TSHZ2: variants seen among roughly 807,000 people sequenced by gnomAD.
TSHZ2 encodes the protein teashirt homolog 2.
In TSHZ2, 21 loss-of-function variants were observed where a neutral mutation model predicts 74.4. The observed-to-expected ratio is 0.28, with a 90% CI of 0.20 to 0.41. TSHZ2 has a LOEUF of 0.41. TSHZ2 is among the 10% of genes least tolerant of loss of function. The pLI is 1.00. For synonymous variants in TSHZ2, 540 were observed against 515.3 expected (o/e 1.05, Z -0.65); for missense variants, 1,244 against 1,293.5 (o/e 0.96, Z 0.59).
chr20:52,999,773 A>G (rs1465025593), intron 1 of TSHZ2, among the ~76,000 whole-genome samples: 1 of 152,186 alleles, frequency 6.6e-6, no homozygotes, highest in African/African-American at 2.4e-5. Context: ...GAAAACCAGC[A>G]TGTGTGTTTT....
At chr20:53,082,376 G>A (rs957976751) in intron 1 of TSHZ2, among the ~76,000 whole-genome samples, 19 of 152,196 alleles carry the variant, frequency 1.2e-4, no homozygotes, top group African/African-American at 4.6e-4. Flanking sequence ...TCGTGATTAA[G>A]TAGAGTTGGA....
intron 1 of TSHZ2, among the ~76,000 whole-genome samples, chr20:53,227,878 CT>C (rs1989720343): frequency 6.6e-6 from 1 of 151,950 alleles, no homozygotes; most frequent in African/African-American, 2.4e-5. Context: ...TTCTTTCGTT[CT>C]TCCTTTTTTC....
chr20:53,364,124 A>G lies in TSHZ2; in HGVS notation c.*8+107553A>G, dbSNP rs190863748. Among the ~76,000 whole-genome samples the G allele has an allele frequency of 2.6e-4, 40 of 152,128 alleles. 1 individual carries two copies. The East Asian group carries it at 7.8e-3, about 30-fold the overall frequency. Reference sequence around the variant, plus strand: ...AAAGATAGATCAGGGATAAATGGCAACAGACACTCAGCATTAAGGTCGAGG... The same window carrying G: ...AAAGATAGATCAGGGATAAATGGCAGCAGACACTCAGCATTAAGGTCGAGG... On this transcript the variant is annotated intron_variant, in intron 2 of 2. Coordinates refer to ENST00000371497, the MANE Select transcript of TSHZ2 (RefSeq NM_173485.6).
At chr20:53,203,257 C>T (rs1353294167) in intron 1 of TSHZ2, among the ~76,000 whole-genome samples, 4 of 149,708 alleles carry the variant, frequency 2.7e-5, no homozygotes, top group Admixed American at 1.3e-4. Flanking sequence ...TGCAGTGGCA[C>T]GATCTCGGCT....
chr20:52,984,462 T>C (rs543572205), intron 1 of TSHZ2, among the ~76,000 whole-genome samples: 1 of 152,254 alleles, frequency 6.6e-6, no homozygotes, highest in Admixed American at 6.5e-5. Flanking sequence ...GGAAGAAAAC[T>C]GCACCTCTCT....
intron 1 of TSHZ2, among the ~76,000 whole-genome samples, chr20:53,134,684 C>T (rs893751055): frequency 1.3e-5 from 2 of 152,150 alleles, no homozygotes; most frequent in African/African-American, 2.4e-5. Flanking sequence ...ACGGACAACT[C>T]GGTGTTTTTA....
intron 1 of TSHZ2, among the ~76,000 whole-genome samples, chr20:53,133,483 A>C (rs188779960): frequency 6.6e-6 from 1 of 152,360 alleles, no homozygotes; most frequent in African/African-American, 2.4e-5. Context: ...TGCCATGCAG[A>C]AAACACAACA....
At chr20:52,980,416 G>A (rs1013680259) in intron 1 of TSHZ2, among the ~76,000 whole-genome samples, 3 of 150,824 alleles carry the variant, frequency 2.0e-5, no homozygotes, top group Non-Finnish European at 4.4e-5. Context: ...AGACACTAAG[G>A]TGGGTTTGAA....
chr20:53,287,888 A>C (rs1991199259), intron 2 of TSHZ2, among the ~76,000 whole-genome samples: 1 of 152,166 alleles, frequency 6.6e-6, no homozygotes. Flanking sequence ...TCAAAATGGA[A>C]AATTTTATAT....
intron 2 of TSHZ2, among the ~76,000 whole-genome samples, chr20:53,364,743 C>T (rs1455339221): frequency 6.6e-6 from 1 of 152,376 alleles, no homozygotes; most frequent in South Asian, 2.1e-4. Flanking sequence ...CATGGGGGCA[C>T]TGCCTTGGCA....
At chr20:53,178,220 G>A (rs1437878687) in intron 1 of TSHZ2, 1 of 152,196 alleles carries the variant, frequency 6.6e-6, no homozygotes, top group Non-Finnish European at 1.5e-5. Flanking sequence ...GATGCCACAC[G>A]AACTTCTGCC....
intron 1 of TSHZ2, among the ~76,000 whole-genome samples, chr20:53,231,467 T>C (rs1359365002): frequency 6.6e-6 from 1 of 152,174 alleles, no homozygotes; most frequent in Non-Finnish European, 1.5e-5. Context: ...GAAATGGCCC[T>C]GGAAGCCACT....
At chr20:53,011,780 A>G (rs1253064433) in intron 1 of TSHZ2, among the ~76,000 whole-genome samples, 2 of 152,212 alleles carry the variant, frequency 1.3e-5, no homozygotes, top group Admixed American at 6.5e-5. Context: ...CACTGGGAAA[A>G]TCGAACAACC....
At chr20:53,147,598 G>A (rs1193558330) in intron 1 of TSHZ2, among the ~76,000 whole-genome samples, 3 of 152,206 alleles carry the variant, frequency 2.0e-5, no homozygotes, top group Non-Finnish European at 4.4e-5. Flanking sequence ...CCATATCACT[G>A]TGGTATTAAT....
At chr20:53,145,534 G>A (rs1244985147) in intron 1 of TSHZ2, among the ~76,000 whole-genome samples, 3 of 152,188 alleles carry the variant, frequency 2.0e-5, no homozygotes, top group Admixed American at 6.5e-5. Flanking sequence ...TGAAGGGTGA[G>A]TTATCCAGCC....
intron 2 of TSHZ2, among the ~76,000 whole-genome samples, chr20:53,311,318 A>G (rs1978774842): frequency 6.6e-6 from 1 of 152,250 alleles, no homozygotes; most frequent in African/African-American, 2.4e-5. Flanking sequence ...GCCAGACTGA[A>G]GGCATGTCTA....
At chr20:53,106,915 C>G (rs1330738574) in intron 1 of TSHZ2, among the ~76,000 whole-genome samples, 1 of 150,772 alleles carries the variant, frequency 6.6e-6, no homozygotes, top group Admixed American at 6.6e-5. Flanking sequence ...CCGGGGTGAT[C>G]TTGAACTCCT....
At chr20:53,104,680 G>A (rs1223267940) in intron 1 of TSHZ2, among the ~76,000 whole-genome samples, 5 of 152,156 alleles carry the variant, frequency 3.3e-5, no homozygotes, top group Non-Finnish European at 5.9e-5. Context: ...TAGCAAACTG[G>A]TGTTCGTGAA....
intron 2 of TSHZ2, among the ~76,000 whole-genome samples, chr20:53,271,991 C>G (rs944275689): frequency 2.6e-5 from 4 of 151,582 alleles, no homozygotes; most frequent in African/African-American, 7.3e-5. Context: ...CTTTGCAGGG[C>G]TGGGAAGTGA....
Sources: gnomAD v4.1 joint callset for allele counts (sites outside exome capture counted in the v4.1 genomes callset) on GRCh38, gnomAD v4.1.1 for gene constraint, MANE v1.5 for transcripts, NCBI Gene and HGNC (gene_info 2026-07-23, HGNC 2026-07-21) for gene names.